DCC: variants seen among roughly 807,000 people sequenced by gnomAD.
DCC encodes the protein DCC netrin 1 receptor.
A neutral mutation model predicts 172.5 loss-of-function variants in DCC; 58 were observed. That is an observed-to-expected ratio of 0.34 (90% CI 0.27 to 0.42). The LOEUF is 0.42. Ranked by LOEUF, DCC falls within the 10% of genes least tolerant of loss-of-function variation. The probability of loss-of-function intolerance (pLI) is 1.00; values close to 1 mark genes in which losing one functional copy is unlikely to be tolerated. For missense variants in DCC, 1,740 were observed against 1,791.0 expected (o/e 0.97, Z 0.51); for synonymous variants, 709 against 644.5 (o/e 1.10, Z -1.52).
chr18:53,159,435 A>G (rs962353454), intron 8 of DCC, among the ~76,000 whole-genome samples: 1 of 152,016 alleles, frequency 6.6e-6, no homozygotes, highest in Non-Finnish European at 1.5e-5. Flanking sequence ...CCTTTATTCT[A>G]TTATTTTCAA....
At chr18:52,687,710 C>T (rs1437479688) in intron 1 of DCC, among the ~76,000 whole-genome samples, 1 of 152,068 alleles carries the variant, frequency 6.6e-6, no homozygotes, top group African/African-American at 2.4e-5. Flanking sequence ...AGTTTTAAAA[C>T]TCAAAGCCAA....
chr18:52,770,603 C>A (rs1199827544), intron 2 of DCC, among the ~76,000 whole-genome samples: 1 of 151,770 alleles, frequency 6.6e-6, no homozygotes, highest in African/African-American at 2.4e-5. Flanking sequence ...CTACCAGAGT[C>A]ATGGGCAGTG....
intron 11 of DCC, among the ~76,000 whole-genome samples, chr18:53,209,981 C>A (rs2055721526): frequency 6.6e-6 from 1 of 152,156 alleles, no homozygotes; most frequent in African/African-American, 2.4e-5. Flanking sequence ...TATTTCGTGA[C>A]CCTAACCCCA....
intron 5 of DCC, among the ~76,000 whole-genome samples, chr18:52,946,658 A>T (rs763315250): frequency 6.6e-6 from 1 of 152,172 alleles, no homozygotes; most frequent in African/African-American, 2.4e-5. Context: ...AAGCTCCACA[A>T]TGCAAACACA....
intron 1 of DCC, among the ~76,000 whole-genome samples, chr18:52,671,751 G>C (rs1003262702): frequency 4.6e-5 from 7 of 151,726 alleles, no homozygotes; most frequent in African/African-American, 1.7e-4. Flanking sequence ...GGCCAGGCTG[G>C]TCTCGAACTC....
intron 1 of DCC, among the ~76,000 whole-genome samples, chr18:52,416,856 C>A (rs1033100785): frequency 4.2e-4 from 64 of 152,028 alleles, no homozygotes; most frequent in African/African-American, 1.3e-3. Flanking sequence ...TTAATTGGAG[C>A]ATTTAGTCCA....
intron 2 of DCC, among the ~76,000 whole-genome samples, chr18:52,785,065 C>A (rs558299118): frequency 1.8e-4 from 27 of 152,054 alleles, no homozygotes; most frequent in Non-Finnish European, 3.4e-4. Context: ...ATTGGTTGAT[C>A]AGGCACGAGG....
intron 5 of DCC, among the ~76,000 whole-genome samples, chr18:53,056,845 A>G (rs1185020800): frequency 5.3e-5 from 8 of 152,006 alleles, no homozygotes; most frequent in Non-Finnish European, 7.4e-5. Flanking sequence ...TTGTTCAGTC[A>G]CCAGAGTGGT....
At position 52,432,900 on chromosome 18, in the gene DCC, C is replaced by T. The variant is rs145191447; in HGVS notation, c.91+92022C>T. Among the ~76,000 whole-genome samples the T allele has an allele frequency of 1.8e-3, 270 of 152,216 alleles. 6 individuals are homozygous for T. The East Asian group carries it at 0.042, about 24-fold the overall frequency. ...GAGTTGATAGAGGGAAATTGGCAAA[C>T]GGTAATTCTGTCCTGTGCTTCCATC... On this transcript the variant is annotated intron_variant, in intron 1 of 28. Transcript: ENST00000442544.
At chr18:52,556,761 A>G (rs1428297341) in intron 1 of DCC, among the ~76,000 whole-genome samples, 2 of 151,924 alleles carry the variant, frequency 1.3e-5, no homozygotes, top group African/African-American at 4.8e-5. Flanking sequence ...ACATACTCCC[A>G]TAAAGGGAGT....
At chr18:52,430,456 G>A (rs1016406832) in intron 1 of DCC, among the ~76,000 whole-genome samples, 4 of 152,060 alleles carry the variant, frequency 2.6e-5, no homozygotes, top group African/African-American at 4.8e-5. Flanking sequence ...AGTGTGACTC[G>A]GAGGTTCTTG....
intron 7 of DCC, among the ~76,000 whole-genome samples, chr18:53,087,351 A>G (rs531260323): frequency 4.0e-5 from 6 of 151,856 alleles, no homozygotes; most frequent in Admixed American, 3.3e-4. Context: ...TCTGATGGCC[A>G]GTGATGGTGA....
At chr18:52,604,160 G>C (rs1314044470) in intron 1 of DCC, among the ~76,000 whole-genome samples, 1 of 151,966 alleles carries the variant, frequency 6.6e-6, no homozygotes, top group Non-Finnish European at 1.5e-5. Flanking sequence ...TAACTCTGCT[G>C]TTCAAGGACT....
chr18:53,035,365 C>T (rs988629013), intron 5 of DCC, among the ~76,000 whole-genome samples: 7 of 152,028 alleles, frequency 4.6e-5, no homozygotes, highest in Admixed American at 4.6e-4. Flanking sequence ...TCCTCAGTGC[C>T]TAAAACAGTG....
intron 12 of DCC, among the ~76,000 whole-genome samples, chr18:53,262,501 C>G (rs1188057448): frequency 1.3e-5 from 2 of 152,178 alleles, no homozygotes; most frequent in Non-Finnish European, 2.9e-5. Context: ...GCTTATAATA[C>G]TTTCAGAAGA....
At chr18:53,428,083 TAA>T in intron 21 of DCC, among the ~76,000 whole-genome samples, 1 of 16,644 alleles carries the variant, frequency 6.0e-5, no homozygotes, top group African/African-American at 1.7e-4. Flanking sequence ...TAATATATTA[TAA>T]TAATATATAA....
chr18:53,248,387 A>G (rs185064305), intron 12 of DCC, among the ~76,000 whole-genome samples: 21 of 152,124 alleles, frequency 1.4e-4, no homozygotes, highest in African/African-American at 4.8e-4. Flanking sequence ...GGATTACTAG[A>G]GGGTCCTAGG....
chr18:52,867,195 A>T (rs1434400140), intron 2 of DCC, among the ~76,000 whole-genome samples: 1 of 152,218 alleles, frequency 6.6e-6, no homozygotes, highest in Non-Finnish European at 1.5e-5. Flanking sequence ...TGATTTGCAT[A>T]TGTTGAACCA....
chr18:52,990,538 CCCAAAAAAA>C (rs1424050769), intron 5 of DCC, among the ~76,000 whole-genome samples: 1 of 76,282 alleles, frequency 1.3e-5, no homozygotes, highest in Non-Finnish European at 2.7e-5. Flanking sequence ...AAAACTCCAT[CCCAAAAAAA>C]AAAAAAAAAA....
Sources: allele counts gnomAD v4.1 joint callset (sites outside exome capture counted in the v4.1 genomes callset), GRCh38; gene constraint gnomAD v4.1.1; transcripts MANE v1.5; gene names NCBI Gene and HGNC (gene_info 2026-07-23, HGNC 2026-07-21).